EPHA7: variants seen among roughly 807,000 people sequenced by gnomAD.
The protein encoded by EPHA7 is EPH receptor A7.
In EPHA7, 25 loss-of-function variants were observed where a neutral mutation model predicts 112.6. That is an observed-to-expected ratio of 0.22 (90% CI 0.16 to 0.31). The LOEUF is 0.31. Ranked by LOEUF, EPHA7 falls within the 10% of genes least tolerant of loss-of-function variation. The pLI, the probability that EPHA7 is intolerant of heterozygous loss-of-function variation, is 1.00. For missense variants in EPHA7, 962 were observed against 1,212.6 expected, an observed-to-expected ratio of 0.79 and a Z score of 3.07; for synonymous variants, 437 against 406.5, an observed-to-expected ratio of 1.07 and a Z score of -0.90.
chr6:93,305,663 T>C (rs921847599), intron 5 of EPHA7, among the ~76,000 whole-genome samples: 1 of 151,982 alleles, frequency 6.6e-6, no homozygotes, highest in Non-Finnish European at 1.5e-5. Context: ...TTGAGGTTAC[T>C]GTGAAAATAA....
At chr6:93,296,337 C>G (rs187879918) in intron 5 of EPHA7, among the ~76,000 whole-genome samples, 16 of 150,446 alleles carry the variant, frequency 1.1e-4, no homozygotes, top group East Asian at 3.9e-4. Context: ...ATTTGTACTC[C>G]CTTATTATTG....
intron 9 of EPHA7, 78 bp downstream of exon 9, chr6:93,263,782 T>A: frequency 8.5e-7 from 1 of 1,181,102 alleles, no homozygotes; most frequent in Middle Eastern, 2.0e-4. Flanking sequence ...GCATGAGGAC[T>A]TTGTTAATGC....
chr6:93,314,858 CTTTTTTTTTTTT>C (rs777231219), intron 5 of EPHA7, among the ~76,000 whole-genome samples: 2 of 101,380 alleles, frequency 2.0e-5, no homozygotes, highest in Non-Finnish European at 4.0e-5. Context: ...ATATAATTTT[CTTTTTTTTTTTT>C]TTTTTTTTTT....
intron 5 of EPHA7, among the ~76,000 whole-genome samples, chr6:93,335,414 A>T (rs1158666454): frequency 6.6e-6 from 1 of 152,114 alleles, no homozygotes; most frequent in African/African-American, 2.4e-5. Context: ...TATATTTCAA[A>T]TTTTACAGTT....
intron 5 of EPHA7, among the ~76,000 whole-genome samples, chr6:93,319,625 G>A (rs1773970624): frequency 6.6e-6 from 1 of 152,082 alleles, no homozygotes; most frequent in Non-Finnish European, 1.5e-5. Context: ...TAAAAAGGAT[G>A]TAACTGCTGT....
At chr6:93,406,504 T>C (rs1357397801) in intron 3 of EPHA7, among the ~76,000 whole-genome samples, 1 of 151,870 alleles carries the variant, frequency 6.6e-6, no homozygotes, top group East Asian at 1.9e-4. Context: ...AGAGAAGTAG[T>C]GGAGTGAGGA....
intron 5 of EPHA7, among the ~76,000 whole-genome samples, chr6:93,335,750 A>C (rs1774837325): frequency 6.6e-6 from 1 of 152,016 alleles, no homozygotes; most frequent in Admixed American, 6.6e-5. Context: ...TTAGCTTCTT[A>C]TTGTGGTATG....
intron 3 of EPHA7, among the ~76,000 whole-genome samples, chr6:93,379,371 G>A (rs992707783): frequency 6.6e-6 from 1 of 151,990 alleles, no homozygotes; most frequent in African/African-American, 2.4e-5. Flanking sequence ...AAAAATTATA[G>A]TTGGGCATTT....
At chr6:93,401,209 A>C (rs1430552974) in intron 3 of EPHA7, among the ~76,000 whole-genome samples, 1 of 152,140 alleles carries the variant, frequency 6.6e-6, no homozygotes, top group Non-Finnish European at 1.5e-5. Flanking sequence ...AATAACTTAA[A>C]TGACTAAATA....
chr6:93,255,638 G>T (rs1770408467), intron 13 of EPHA7, among the ~76,000 whole-genome samples, 190 bp downstream of exon 13: 1 of 151,662 alleles, frequency 6.6e-6, no homozygotes, highest in Non-Finnish European at 1.5e-5. Flanking sequence ...TTCCTTCTTA[G>T]TCTATATATA....
At chr6:93,384,730 C>A (rs1025407003) in intron 3 of EPHA7, among the ~76,000 whole-genome samples, 1 of 152,120 alleles carries the variant, frequency 6.6e-6, no homozygotes, top group Non-Finnish European at 1.5e-5. Flanking sequence ...AATTTATTCC[C>A]TCACTTTAAT....
chr6:93,342,421 G>C (rs913157723), intron 5 of EPHA7, among the ~76,000 whole-genome samples: 1 of 151,952 alleles, frequency 6.6e-6, no homozygotes, highest in Non-Finnish European at 1.5e-5. Flanking sequence ...TTTCAGAAGA[G>C]AGTATCACTC....
intron 7 of EPHA7, among the ~76,000 whole-genome samples, chr6:93,268,385 A>G (rs1477018473): frequency 6.6e-6 from 1 of 151,854 alleles, no homozygotes; most frequent in African/African-American, 2.4e-5. Flanking sequence ...ATATTTATCA[A>G]TTTACTCCAC....
intron 3 of EPHA7, among the ~76,000 whole-genome samples, chr6:93,364,807 T>C (rs1005854442): frequency 1.3e-5 from 2 of 152,124 alleles, no homozygotes; most frequent in Admixed American, 6.5e-5. Flanking sequence ...ATTATCAAGG[T>C]ATTGTTTTAA....
At position 93,419,487 on chromosome 6, in the gene EPHA7, CTT is replaced by C; in HGVS notation, c.-148_-147del. ...CCCCGATCGGCTGCTCCACGTTTAGCTTTTTTTAATTTCCCCCCCACTCCTGT... is the reference window on the plus strand; with the variant it reads ...CCCCGATCGGCTGCTCCACGTTTAGCTTTTTAATTTCCCCCCCACTCCTGT... On this transcript the variant is annotated 5_prime_UTR_variant, in exon 1 of 17. Coordinates refer to ENST00000369303, the MANE Select transcript of EPHA7 (RefSeq NM_004440.4). 1.6e-6 allele frequency: 1 copy of C among 623,334 alleles called. No homozygotes were observed. The allele number at this position is 623,334 out of a possible 1,614,324, so 38.6% of individuals were successfully genotyped here.
chr6:93,295,871 T>A (rs1257559800), intron 5 of EPHA7, among the ~76,000 whole-genome samples: 1 of 151,906 alleles, frequency 6.6e-6, no homozygotes, highest in East Asian at 1.9e-4. Context: ...TACATCCCCA[T>A]AACTTCATCC....
At chr6:93,414,908 G>T in intron 1 of EPHA7, 141 bp from the exon 2 acceptor site, 1 of 641,344 alleles carries the variant, frequency 1.6e-6, no homozygotes, top group Non-Finnish European at 2.7e-6. Context: ...ATGGTGAAAT[G>T]AACACCCTCC....
At chr6:93,414,899 T>C (rs1338217143) in intron 1 of EPHA7, 132 bp from the exon 2 acceptor site, 3 of 684,640 alleles carry the variant, frequency 4.4e-6, no homozygotes, top group Non-Finnish European at 7.3e-6. Flanking sequence ...TGTAAATCAA[T>C]GGTGAAATGA....
intron 3 of EPHA7, among the ~76,000 whole-genome samples, chr6:93,389,234 C>A (rs975423074): frequency 1.1e-4 from 17 of 152,178 alleles, no homozygotes; most frequent in Admixed American, 4.6e-4. Flanking sequence ...AAATGCTTTA[C>A]AAGCATCATC....
Sources: gnomAD v4.1 joint callset for allele counts (sites outside exome capture counted in the v4.1 genomes callset) on GRCh38, gnomAD v4.1.1 for gene constraint, MANE v1.5 for transcripts, NCBI Gene and HGNC (gene_info 2026-07-23, HGNC 2026-07-21) for gene names.